The following ASCC3 variants were observed in gnomAD, a reference collection of about 807,000 sequenced individuals.
ASCC3 encodes ASC-1 complex subunit P200.
ASCC3 carries 158 observed loss-of-function variants against 256.3 expected under a neutral mutation model. The observed-to-expected ratio is 0.62, with a 90% CI of 0.54 to 0.70. ASCC3 has a LOEUF of 0.70. Ranked by LOEUF, ASCC3 falls within the 30% of genes least tolerant of loss-of-function variation. The pLI is 0.00. For missense variants in ASCC3, 2,259 were observed against 2,626.0 expected (o/e 0.86, Z 3.05); for synonymous variants, 948 against 883.4 (o/e 1.07, Z -1.30).
chr6:100,578,410 C>T (rs956810810), intron 36 of ASCC3, among the ~76,000 whole-genome samples: 1 of 151,844 alleles, frequency 6.6e-6, no homozygotes, highest in African/African-American at 2.4e-5. Flanking sequence ...TGATCCTCTC[C>T]CTCCTCCCAG....
intron 11 of ASCC3, among the ~76,000 whole-genome samples, chr6:100,720,234 A>G (rs1487714375): frequency 6.6e-6 from 1 of 152,010 alleles, no homozygotes; most frequent in African/African-American, 2.4e-5. Flanking sequence ...TGAGGCATTT[A>G]GATGAAGACA....
Position 100,625,239 on chromosome 6 carries a change from C to G in ASCC3, c.4738G>C (p.Ala1580Pro). 1 of 1,612,940 alleles carries G rather than the reference C, an allele frequency of 6.2e-7. No homozygotes were observed. Among genetic ancestry groups the G allele is most frequent in the East Asian group, 2.2e-5 (1 of 44,836 alleles). Residue 1580 changes from alanine to proline, a missense_variant, in exon 30 of 42, where the codon GCT becomes CCT. Transcript: ENST00000369162. ...LTALELIAFL[A>P]TEEDPKQWLN... ...CACTGCTTTGGATCTTCTTCAGTAG[C>G]CAGGAAGGCGATCAATTCCAAAGCA...
At chr6:100,608,084 A>ATT (rs1773016825) in intron 30 of ASCC3, among the ~76,000 whole-genome samples, 1 of 129,536 alleles carries the variant, frequency 7.7e-6, no homozygotes, top group Non-Finnish European at 1.6e-5. Flanking sequence ...ATATATGTAT[A>ATT]TATATCTATA....
At chr6:100,633,814 C>T (rs768354888) in intron 25 of ASCC3, among the ~76,000 whole-genome samples, 13 of 150,218 alleles carry the variant, frequency 8.7e-5, no homozygotes, top group Non-Finnish European at 1.6e-4. Context: ...ATGGAGGTTG[C>T]GGTAAGCCGA....
In ASCC3 at chr6:100,767,353, A is replaced by T; in HGVS notation, c.1396-8T>A. ...AAAAGCCAGCTGTCCGATCTAAAAA[A>T]AAAAGGCATCACCCATTATAAATAG... is the stretch of plus-strand genomic sequence containing the variant. On this transcript the variant is annotated splice_region_variant and splice_polypyrimidine_tract_variant and intron_variant, in intron 8 of 41. Coordinates refer to ENST00000369162, the MANE Select transcript of ASCC3 (RefSeq NM_006828.4). 2 of 1,609,056 alleles carry T rather than the reference A, an allele frequency of 1.2e-6. No individual in the cohort carries two copies. Among genetic ancestry groups the T allele is most frequent in the Non-Finnish European group, 1.7e-6 (2 of 1,176,120 alleles).
At chr6:100,628,057 A>T in intron 27 of ASCC3, 70 bp from the exon 28 acceptor site, 1 of 1,508,494 alleles carries the variant, frequency 6.6e-7, no homozygotes, top group African/African-American at 1.4e-5. Flanking sequence ...CAACCACAAA[A>T]GGAAGAGTTT....
At chr6:100,650,187 A>G (rs999417788) in intron 20 of ASCC3, among the ~76,000 whole-genome samples, 11 of 151,716 alleles carry the variant, frequency 7.3e-5, no homozygotes, top group Admixed American at 2.6e-4. Context: ...TATGCTTGCA[A>G]TATTCTTTAA....
intron 4 of ASCC3, among the ~76,000 whole-genome samples, chr6:100,830,173 A>G (rs1562328341): frequency 6.6e-6 from 1 of 151,842 alleles, no homozygotes; most frequent in Non-Finnish European, 1.5e-5. Flanking sequence ...ATAAGAGGGG[A>G]CTACCACATA....
rs145647466 is a variant in ASCC3 at position 100,850,808 on chromosome 6, T to C, written c.242-2101A>G. Among the ~76,000 whole-genome samples, 309 of 152,308 alleles carry C rather than the reference T, an allele frequency of 2.0e-3. 1 individual carries two copies. The highest frequency in any genetic ancestry group is 0.02 in the South Asian group (95 of 4,826). On this transcript the variant is annotated intron_variant, in intron 3 of 41. Transcript: ENST00000369162. ...TTAAATTAATTCAATAGCATTTATA[T>C]ACATTTATTTATTCATTCTATACAT...
intron 4 of ASCC3, among the ~76,000 whole-genome samples, chr6:100,833,068 T>G (rs1013611996): frequency 6.6e-6 from 1 of 152,064 alleles, no homozygotes; most frequent in Non-Finnish European, 1.5e-5. Context: ...CTTCAATAGG[T>G]GAATGAATAA....
At chr6:100,627,527 G>C in intron 29 of ASCC3, 63 bp downstream of exon 29, 1 of 1,599,292 alleles carries the variant, frequency 6.3e-7, no homozygotes, top group Middle Eastern at 2.1e-4. Context: ...ACACCAATTA[G>C]AAGATATTTG....
intron 1 of ASCC3, among the ~76,000 whole-genome samples, chr6:100,877,127 A>G (rs892674957): frequency 2.6e-5 from 4 of 152,160 alleles, no homozygotes; most frequent in Non-Finnish European, 4.4e-5. Context: ...TAGTTACTGT[A>G]TTTTTTCGTT....
At chr6:100,791,778 A>C (rs1769360112) in intron 8 of ASCC3, among the ~76,000 whole-genome samples, 1 of 151,978 alleles carries the variant, frequency 6.6e-6, no homozygotes, top group South Asian at 2.1e-4. Flanking sequence ...TGTTTCACTA[A>C]GCCAAACATG....
At position 100,628,686 on chromosome 6, in the gene ASCC3, CACT is replaced by C. The variant is rs1422536601; in HGVS notation, c.4375+326_4375+328del. Among the ~76,000 whole-genome samples, 130 of 152,176 alleles carry C rather than the reference CACT, an allele frequency of 8.5e-4. 1 individual carries two copies. Among genetic ancestry groups the C allele is most frequent in the Non-Finnish European group, 1.3e-4 (9 of 68,024 alleles). On this transcript the variant is annotated intron_variant, in intron 27 of 41. Coordinates refer to ENST00000369162, the MANE Select transcript of ASCC3 (RefSeq NM_006828.4). ...CTGAGGCCTCCCCAGAAGCAGGAGC[CACT>C]ACATTTACTGTACAAGCTGTAGAAT... is the stretch of plus-strand genomic sequence containing the variant.
At chr6:100,628,375 T>C (rs1272738763) in intron 27 of ASCC3, among the ~76,000 whole-genome samples, 1 of 152,172 alleles carries the variant, frequency 6.6e-6, no homozygotes, top group Non-Finnish European at 1.5e-5. Flanking sequence ...ATATATCATA[T>C]ATTTCAAAAT....
At chr6:100,813,273 T>C (rs999733743) in intron 4 of ASCC3, among the ~76,000 whole-genome samples, 1 of 152,010 alleles carries the variant, frequency 6.6e-6, no homozygotes, top group Admixed American at 6.6e-5. Flanking sequence ...CTGACCAATA[T>C]GCAGAATGCC....
At chr6:100,842,392 C>A (rs1291242550) in intron 4 of ASCC3, among the ~76,000 whole-genome samples, 2 of 152,148 alleles carry the variant, frequency 1.3e-5, no homozygotes, top group Non-Finnish European at 2.9e-5. Context: ...TTTTCATAAT[C>A]ATACTAAAAC....
intron 10 of ASCC3, among the ~76,000 whole-genome samples, chr6:100,756,838 T>C (rs547621281): frequency 7.9e-5 from 12 of 152,102 alleles, no homozygotes; most frequent in Non-Finnish European, 1.6e-4. Context: ...ACAACAGCCA[T>C]TATGAAATAT....
At chr6:100,700,570 G>A (rs1778309077) in intron 13 of ASCC3, among the ~76,000 whole-genome samples, 1 of 152,208 alleles carries the variant, frequency 6.6e-6, no homozygotes. Context: ...ACCAGCTCGT[G>A]AAAGCAGCTG....
Sources: gnomAD v4.1 joint callset for allele counts (sites outside exome capture counted in the v4.1 genomes callset) on GRCh38, gnomAD v4.1.1 for gene constraint, MANE v1.5 for transcripts, NCBI Gene and HGNC (gene_info 2026-07-23, HGNC 2026-07-21) for gene names.